FREM1: variants seen among roughly 807,000 people sequenced by gnomAD.
FREM1 encodes FRAS1 related extracellular matrix 1.
A neutral mutation model predicts 210.1 loss-of-function variants in FREM1; 220 were observed. The observed-to-expected ratio is 1.05, with a 90% CI of 0.94 to 1.17. FREM1 has a LOEUF of 1.17. FREM1 is among the 50% of genes most tolerant of loss of function. The probability of loss-of-function intolerance (pLI) is 0.00; values close to 1 mark genes in which losing one functional copy is unlikely to be tolerated. For missense variants in FREM1, 3,454 were observed against 2,675.5 expected, an observed-to-expected ratio of 1.29 and a Z score of -6.42; for synonymous variants, 1,189 against 980.2, an observed-to-expected ratio of 1.21 and a Z score of -3.98.
chr9:14,889,419 C>T (rs1476519706), intron 1 of FREM1, among the ~76,000 whole-genome samples: 1 of 152,118 alleles, frequency 6.6e-6, no homozygotes, highest in Non-Finnish European at 1.5e-5. Context: ...TCTTAATGTC[C>T]CTTAGCCATT....
intron 10 of FREM1, among the ~76,000 whole-genome samples, chr9:14,831,175 G>T (rs909438011): frequency 5.1e-4 from 78 of 152,284 alleles, no homozygotes; most frequent in African/African-American, 1.6e-3. Context: ...TGATTCAAAG[G>T]CCTCTGGACC....
intron 1 of FREM1, among the ~76,000 whole-genome samples, chr9:14,902,499 A>G (rs1416123423): frequency 1.3e-5 from 2 of 152,202 alleles, no homozygotes; most frequent in African/African-American, 4.8e-5. Flanking sequence ...AGATCAGGAA[A>G]TGTCTCTACT....
In FREM1 at chr9:14,805,127, G is replaced by T. The variant is rs373880710; in HGVS notation, c.3300C>A (p.Asn1100Lys). The T allele has an allele frequency of 1.3e-6, 2 of 1,576,456 alleles. No homozygotes were observed. The highest frequency in any genetic ancestry group is 2.3e-5 in the East Asian group (1 of 44,394). Residue 1100 changes from asparagine to lysine, a missense_variant, in exon 19 of 37, where the codon AAC becomes AAA. Transcript: ENST00000380880. ...SIDSFQWKDM[N>K]AFHINYVQSR... ...ACTGCACATAGTTAATGTGAAAAGC[G>T]TTCATGTCTTTCCACTGAAATGAAT... is the stretch of plus-strand genomic sequence containing the variant.
At chr9:14,885,834 A>C (rs1835712880) in intron 1 of FREM1, among the ~76,000 whole-genome samples, 3 of 152,158 alleles carry the variant, frequency 2.0e-5, no homozygotes, top group Non-Finnish European at 4.4e-5. Flanking sequence ...ATTACCTTAC[A>C]TATCTTCTTT....
chr9:14,748,237 T>C (rs1842797445), intron 31 of FREM1, among the ~76,000 whole-genome samples, 164 bp downstream of exon 31: 1 of 152,170 alleles, frequency 6.6e-6, no homozygotes, highest in East Asian at 1.9e-4. Context: ...AGCCTCAAGA[T>C]CTTTGTATAC....
Position 14,775,976 on chromosome 9 carries a change from A to G in FREM1, c.4670T>C (p.Leu1557Pro). 1 of 1,614,030 alleles carries G rather than the reference A, an allele frequency of 6.2e-7. No individual in the cohort carries two copies. The highest frequency in any genetic ancestry group is 1.3e-5 in the African/African-American group (1 of 75,060). Reference protein sequence around the residue: ...VQLPQHGQLYLWGTGLLQHNF... With the variant: ...VQLPQHGQLYPWGTGLLQHNF... The stretch of plus-strand genomic sequence containing the variant: ...GTGTTGAAGTAGCCCTGTCCCCCAC[A>G]GGTAGAGCTGGCCATGCTGGGGGAG... Residue 1557 changes from leucine to proline, a missense_variant, in exon 25 of 37, where the codon CTG becomes CCG. Leu to Pro is a moderately conservative substitution (Grantham distance 98). Transcript: ENST00000380880.
At chr9:14,747,790 T>A in intron 31 of FREM1, 62 bp from the exon 32 acceptor site, 1 of 934,012 alleles carries the variant, frequency 1.1e-6, no homozygotes, top group Non-Finnish European at 1.6e-6. Context: ...AGCAATAGGG[T>A]AAAACCACCA....
At chr9:14,783,727 C>T (rs1414961366) in intron 24 of FREM1, among the ~76,000 whole-genome samples, 2 of 152,150 alleles carry the variant, frequency 1.3e-5, no homozygotes, top group African/African-American at 4.8e-5. Context: ...GTATCTTTGC[C>T]TTTTCACCAG....
chr9:14,744,797 A>AT (rs1446806038), intron 35 of FREM1, among the ~76,000 whole-genome samples: 3 of 152,204 alleles, frequency 2.0e-5, no homozygotes, highest in African/African-American at 7.2e-5. Flanking sequence ...GTAGATGCAT[A>AT]TAACTTTATA....
chr9:14,845,541 G>T (rs1395324789), intron 8 of FREM1, among the ~76,000 whole-genome samples: 2 of 152,196 alleles, frequency 1.3e-5, no homozygotes, highest in African/African-American at 4.8e-5. Context: ...CTGACCTCAG[G>T]TGATCCACCC....
chr9:14,852,112 C>T (rs1016800829), intron 5 of FREM1, among the ~76,000 whole-genome samples: 1 of 152,192 alleles, frequency 6.6e-6, no homozygotes, highest in African/African-American at 2.4e-5. Flanking sequence ...CAGCCGCCTT[C>T]CTCACCTCCT....
intron 29 of FREM1, among the ~76,000 whole-genome samples, chr9:14,754,887 T>G (rs1844019113): frequency 6.6e-6 from 1 of 152,076 alleles, no homozygotes; most frequent in African/African-American, 2.4e-5. Context: ...TGAGCTGAGA[T>G]TGCACCACTG....
chr9:14,855,718 A>G (rs1472933446), intron 5 of FREM1, among the ~76,000 whole-genome samples: 3 of 152,166 alleles, frequency 2.0e-5, no homozygotes, highest in Non-Finnish European at 4.4e-5. Flanking sequence ...GTTTTATGAC[A>G]TGCCAAATAA....
At chr9:14,752,461 G>A (rs934700238) in intron 29 of FREM1, among the ~76,000 whole-genome samples, 9 of 152,188 alleles carry the variant, frequency 5.9e-5, no homozygotes, top group African/African-American at 9.7e-5. Context: ...ACTGCAGAGA[G>A]CCCTGGGCAC....
At chr9:14,801,553 C>T (rs1008681123) in intron 20 of FREM1, 99 bp downstream of exon 20, 29 of 801,754 alleles carry the variant, frequency 3.6e-5, no homozygotes, top group Non-Finnish European at 5.9e-5. Context: ...ATTCTACTCT[C>T]TGCTTATATT....
At chr9:14,793,421 CTTG>C (rs1188348666) in intron 21 of FREM1, among the ~76,000 whole-genome samples, 3 of 152,138 alleles carry the variant, frequency 2.0e-5, no homozygotes, top group African/African-American at 7.2e-5. Context: ...AGTATGTGTT[CTTG>C]TTGTAGATTC....
Position 14,770,657 on chromosome 9 carries a change from G to A in FREM1, c.5007C>T (p.Ile1669=). The A allele has an allele frequency of 6.2e-7, 1 of 1,613,564 alleles. No individual in the cohort carries two copies. Among genetic ancestry groups the A allele is most frequent in the East Asian group, 2.2e-5 (1 of 44,878 alleles). ...GTTTTGGGCCTTGTAGAATTTTAAA[G>A]ATGATCTGATCGTCCTCAGTGTCAG... The part of the protein sequence containing the change: ...SDPDTEDDQI[I]FKILQGPKHG... The change falls in exon 26 of 37, where the codon ATC becomes ATT. Residue 1669 remains isoleucine (I), a synonymous_variant. Transcript: ENST00000380880.
intron 14 of FREM1, among the ~76,000 whole-genome samples, chr9:14,817,529 G>A (rs2130658715): frequency 6.6e-6 from 1 of 152,206 alleles, no homozygotes; most frequent in Non-Finnish European, 1.5e-5. Context: ...TCTAATTATA[G>A]GCCCTCCACA....
chr9:14,897,603 T>C (rs891066944), intron 1 of FREM1, among the ~76,000 whole-genome samples: 8 of 152,106 alleles, frequency 5.3e-5, no homozygotes, highest in Non-Finnish European at 1.0e-4. Context: ...TTTTTTTTTT[T>C]TTTAAGAGAC....
Sources: allele counts gnomAD v4.1 joint callset (sites outside exome capture counted in the v4.1 genomes callset), GRCh38; gene constraint gnomAD v4.1.1; transcripts MANE v1.5; gene names NCBI Gene and HGNC (gene_info 2026-07-23, HGNC 2026-07-21).